Variants in VPS13B observed in about 807,000 individuals in gnomAD.
VPS13B encodes the protein vacuolar protein sorting 13 homolog B.
VPS13B carries 285 observed loss-of-function variants against 426.4 expected under a neutral mutation model. That is an observed-to-expected ratio of 0.67 (90% CI 0.61 to 0.74). The LOEUF is 0.74. Among genes scored for constraint, VPS13B ranks in the 30% least tolerant of loss-of-function variants. VPS13B has a pLI of 0.00. For synonymous variants in VPS13B, 1,676 were observed against 1,676.4 expected, an observed-to-expected ratio of 1.00 and a Z score of 0.01; for missense variants, 4,537 against 4,782.6, an observed-to-expected ratio of 0.95 and a Z score of 1.51.
intron 39 of VPS13B, among the ~76,000 whole-genome samples, chr8:99,723,285 G>C (rs997131837): frequency 3.3e-5 from 5 of 152,258 alleles, no homozygotes; most frequent in Non-Finnish European, 7.4e-5. Context: ...CATAGCAAAT[G>C]TTATATAAGT....
chr8:99,435,647 C>T (rs1817330731), intron 22 of VPS13B, among the ~76,000 whole-genome samples: 1 of 152,120 alleles, frequency 6.6e-6, no homozygotes, highest in Non-Finnish European at 1.5e-5. Context: ...TTTCAAACCA[C>T]TAGGCAATAA....
intron 23 of VPS13B, among the ~76,000 whole-genome samples, chr8:99,449,034 T>C (rs1290177694): frequency 1.3e-5 from 2 of 152,148 alleles, no homozygotes; most frequent in African/African-American, 2.4e-5. Context: ...TTGGGGGTAA[T>C]TGGATAAAGT....
At chr8:99,343,121 G>A (rs566229742) in intron 19 of VPS13B, among the ~76,000 whole-genome samples, 11 of 150,374 alleles carry the variant, frequency 7.3e-5, no homozygotes, top group African/African-American at 2.4e-4. Flanking sequence ...TGAGACGGGA[G>A]TCTCGCTCTG....
At chr8:99,297,030 G>A (rs902351131) in intron 19 of VPS13B, among the ~76,000 whole-genome samples, 1 of 151,918 alleles carries the variant, frequency 6.6e-6, no homozygotes, top group African/African-American at 2.4e-5. Context: ...ATGAGGGGGA[G>A]GGATTTTTTG....
At chr8:99,368,978 G>C (rs917029607) in intron 19 of VPS13B, among the ~76,000 whole-genome samples, 4 of 152,106 alleles carry the variant, frequency 2.6e-5, no homozygotes, top group African/African-American at 7.2e-5. Flanking sequence ...GTCTATTTCT[G>C]TGATTTTCTT....
At chr8:99,450,849 GA>G (rs1818162089) in intron 23 of VPS13B, among the ~76,000 whole-genome samples, 1 of 151,442 alleles carries the variant, frequency 6.6e-6, no homozygotes, top group Admixed American at 6.6e-5. Context: ...GCAATTCTTT[GA>G]AACCAATTAT....
chr8:99,664,015 T>A (rs1015740617), intron 35 of VPS13B, among the ~76,000 whole-genome samples: 2 of 151,726 alleles, frequency 1.3e-5, no homozygotes, highest in Non-Finnish European at 2.9e-5. Flanking sequence ...TGATTTTTTT[T>A]TTTTTTTTTG....
intron 51 of VPS13B, among the ~76,000 whole-genome samples, chr8:99,831,239 A>G (rs1455167032): frequency 6.6e-6 from 1 of 151,248 alleles, no homozygotes; most frequent in East Asian, 2.0e-4. Context: ...CACCCAGCTA[A>G]TTTTTGTATT....
At chr8:99,424,881 G>T (rs780780387) in intron 21 of VPS13B, among the ~76,000 whole-genome samples, 2 of 151,892 alleles carry the variant, frequency 1.3e-5, no homozygotes, top group African/African-American at 2.4e-5. Context: ...TGACAAAGGG[G>T]TATCACCACC....
chr8:99,733,036 G>A (rs1833666991), intron 39 of VPS13B, among the ~76,000 whole-genome samples: 1 of 152,132 alleles, frequency 6.6e-6, no homozygotes, highest in Non-Finnish European at 1.5e-5. Flanking sequence ...GAAGAACTAT[G>A]TTTAGCAATC....
At chr8:99,722,854 A>G (rs893371827) in intron 39 of VPS13B, among the ~76,000 whole-genome samples, 1 of 152,298 alleles carries the variant, frequency 6.6e-6, no homozygotes, top group South Asian at 2.1e-4. Context: ...ATATCTGTAG[A>G]TTTTCAATCA....
intron 25 of VPS13B, among the ~76,000 whole-genome samples, chr8:99,491,748 A>G (rs1051532922): frequency 2.1e-4 from 32 of 152,124 alleles, no homozygotes; most frequent in African/African-American, 7.0e-4. Context: ...TGTTTATTCT[A>G]GTTAGCCATT....
At chr8:99,446,630 A>G (rs1339916064) in intron 23 of VPS13B, among the ~76,000 whole-genome samples, 1 of 151,702 alleles carries the variant, frequency 6.6e-6, no homozygotes, top group Non-Finnish European at 1.5e-5. Context: ...AATTTCTTTA[A>G]TCTAGTTCAT....
chr8:99,061,785 G>T (rs1292262998), intron 3 of VPS13B, among the ~76,000 whole-genome samples: 1 of 152,060 alleles, frequency 6.6e-6, no homozygotes, highest in Non-Finnish European at 1.5e-5. Flanking sequence ...TCCTCTTCAT[G>T]TCCTGTCATG....
At chr8:99,418,832 C>T (rs1406833254) in intron 21 of VPS13B, among the ~76,000 whole-genome samples, 1 of 152,176 alleles carries the variant, frequency 6.6e-6, no homozygotes, top group African/African-American at 2.4e-5. Context: ...TATCCTTCTT[C>T]CTTCAAATTA....
chr8:99,855,340 T>C (rs1441907695), intron 56 of VPS13B, among the ~76,000 whole-genome samples: 1 of 152,124 alleles, frequency 6.6e-6, no homozygotes, highest in African/African-American at 2.4e-5. Context: ...TATGATCACA[T>C]CACTACACTC....
chr8:99,859,863 A>C (rs1475430872), intron 57 of VPS13B, among the ~76,000 whole-genome samples: 2 of 152,218 alleles, frequency 1.3e-5, no homozygotes, highest in Non-Finnish European at 2.9e-5. Flanking sequence ...TACAGTTGTC[A>C]TAACTTTCTT....
At chr8:99,656,126 T>A (rs1830010020) in intron 34 of VPS13B, among the ~76,000 whole-genome samples, 2 of 152,188 alleles carry the variant, frequency 1.3e-5, no homozygotes, top group Middle Eastern at 3.4e-3. Flanking sequence ...AGGATTGGGA[T>A]TTTTTGGTTT....
At position 99,720,271 on chromosome 8, in the gene VPS13B, A is replaced by G. The variant is rs566892389; in HGVS notation, c.6658-74A>G. 240 of 1,205,276 alleles carry G rather than the reference A, an allele frequency of 2.0e-4. 6 individuals carry two copies. The South Asian group carries it at 3.0e-3, about 15-fold the overall frequency. The allele number at this position is 1,205,276 out of a possible 1,614,324, so 74.7% of individuals were successfully genotyped here. A position where few individuals can be genotyped will look rare whatever the true frequency, so the allele number is the denominator to read the frequency against. On this transcript the variant is annotated intron_variant, in intron 37 of 61. Coordinates refer to ENST00000357162, the MANE Select transcript of VPS13B (RefSeq NM_152564.5). The stretch of plus-strand genomic sequence containing the variant: ...TAATTACAGTCCTACATTAATTCAA[A>G]TATGATTATACCTAATTAGTCTCAA...
Sources: gnomAD v4.1 joint callset for allele counts (sites outside exome capture counted in the v4.1 genomes callset) on GRCh38, gnomAD v4.1.1 for gene constraint, MANE v1.5 for transcripts, NCBI Gene and HGNC (gene_info 2026-07-23, HGNC 2026-07-21) for gene names.